Variants in SLC5A1 observed in about 807,000 individuals in gnomAD.
The protein encoded by SLC5A1 is sodium/glucose cotransporter 1.
Under a neutral mutation model 73.5 loss-of-function variants are expected in SLC5A1, and 42 were observed. The observed-to-expected ratio is 0.57, with a 90% CI of 0.45 to 0.74. The LOEUF (loss-of-function observed/expected upper bound fraction) is 0.74, where lower values mean the gene tolerates loss of function less well. SLC5A1 is among the 30% of genes least tolerant of loss of function. The probability of loss-of-function intolerance (pLI) is 0.00; values close to 1 mark genes in which losing one functional copy is unlikely to be tolerated. For synonymous variants in SLC5A1, 300 were observed against 317.4 expected (o/e 0.95, Z 0.58); for missense variants, 634 against 855.4 (o/e 0.74, Z 3.23).
intron 12 of SLC5A1, among the ~76,000 whole-genome samples, chr22:32,101,670 A>AC (rs1257686749): frequency 6.6e-6 from 1 of 152,118 alleles, no homozygotes; most frequent in South Asian, 2.1e-4. Context: ...GCAGGTGGAG[A>AC]GGCTCAAATT....
At chr22:32,082,927 G>T in intron 6 of SLC5A1, 147 bp from the exon 7 acceptor site, 1 of 720,012 alleles carries the variant, frequency 1.4e-6, no homozygotes, top group South Asian at 1.5e-5. Flanking sequence ...AACAGGACAA[G>T]GGAGGGAAGG....
At chr22:32,053,006 G>A (rs896069974) in intron 2 of SLC5A1, among the ~76,000 whole-genome samples, 1 of 152,164 alleles carries the variant, frequency 6.6e-6, no homozygotes, top group Non-Finnish European at 1.5e-5. Context: ...TATGCATAGA[G>A]AAAAATTGTT....
At chr22:32,068,073 G>A (rs2093976990) in intron 4 of SLC5A1, 47 bp downstream of exon 4, 1 of 1,574,188 alleles carries the variant, frequency 6.4e-7, no homozygotes, top group African/African-American at 1.3e-5. Flanking sequence ...AAATGTATCT[G>A]TCAGCTTGGT....
At chr22:32,068,156 T>A in intron 4 of SLC5A1, 130 bp downstream of exon 4, 6 of 920,860 alleles carry the variant, frequency 6.5e-6, no homozygotes, top group Admixed American at 1.7e-5. Context: ...CACTCCCAGG[T>A]TATGAAATTC....
At chr22:32,094,007 G>T (rs1486523737) in intron 11 of SLC5A1, among the ~76,000 whole-genome samples, 1 of 370 alleles carries the variant, frequency 2.7e-3, no homozygotes, top group Non-Finnish European at 5.6e-3. Flanking sequence ...ATTACATTAA[G>T]GTATGCTTTT....
At chr22:32,068,330 A>G (rs2093977484) in intron 4 of SLC5A1, among the ~76,000 whole-genome samples, 166 bp from the exon 5 acceptor site, 1 of 152,170 alleles carries the variant, frequency 6.6e-6, no homozygotes, top group African/African-American at 2.4e-5. Flanking sequence ...AAATGGCTGG[A>G]GGTCAGGGGC....
chr22:32,076,236 C>T (rs900219006), intron 5 of SLC5A1, among the ~76,000 whole-genome samples: 1 of 152,200 alleles, frequency 6.6e-6, no homozygotes, highest in African/African-American at 2.4e-5. Flanking sequence ...TGATGTGGAG[C>T]GTTGGCTATG....
chr22:32,062,624 A>G (rs908948670), intron 2 of SLC5A1, among the ~76,000 whole-genome samples: 4 of 152,206 alleles, frequency 2.6e-5, no homozygotes, highest in African/African-American at 9.6e-5. Context: ...CTGAATTCAC[A>G]GGAACATGGG....
Position 32,084,553 on chromosome 22 carries a change from C to G in SLC5A1, c.779C>G (p.Ala260Gly), listed in dbSNP as rs375909500. 3 of 1,614,138 alleles carry G rather than the reference C, an allele frequency of 1.9e-6. No homozygotes were observed. The highest frequency in any genetic ancestry group is 2.5e-6 in the Non-Finnish European group (3 of 1,180,056). ...CAGGAAAAATGCTACACTCCAAGGG[C>G]CGACTCCTTCCACATCTTCCGAGAT... is the stretch of plus-strand genomic sequence containing the variant. ...TFQEKCYTPR[A>G]DSFHIFRDPL... The change falls in exon 8 of 15, where the codon GCC becomes GGC. Residue 260 changes from alanine (A) to glycine (G), a missense_variant. Coordinates refer to ENST00000266088, the MANE Select transcript of SLC5A1 (RefSeq NM_000343.4).
chr22:32,095,037 G>C (rs1203381625), intron 11 of SLC5A1, among the ~76,000 whole-genome samples: 1 of 152,004 alleles, frequency 6.6e-6, no homozygotes, highest in East Asian at 1.9e-4. Flanking sequence ...TTGATAGGTT[G>C]TGTCACTATT....
chr22:32,062,982 C>T (rs1046463361), intron 2 of SLC5A1, among the ~76,000 whole-genome samples: 1 of 152,158 alleles, frequency 6.6e-6, no homozygotes, highest in Non-Finnish European at 1.5e-5. Flanking sequence ...CCGGGGAGGC[C>T]TCTCTTCCTG....
chr22:32,082,004 C>G (rs746057983), intron 6 of SLC5A1, 33 bp downstream of exon 6: 1 of 1,375,602 alleles, frequency 7.3e-7, no homozygotes, highest in Non-Finnish European at 1.0e-6. Flanking sequence ...GCACCTCAAA[C>G]CCAGCTCGGG....
intron 1 of SLC5A1, among the ~76,000 whole-genome samples, chr22:32,046,537 C>T (rs1471737989): frequency 1.3e-5 from 2 of 152,186 alleles, no homozygotes; most frequent in Non-Finnish European, 2.9e-5. Flanking sequence ...TGGCTCTGGG[C>T]TCAGACGCGA....
intron 2 of SLC5A1, among the ~76,000 whole-genome samples, chr22:32,054,311 T>C (rs997634077): frequency 2.2e-4 from 33 of 152,254 alleles, no homozygotes; most frequent in African/African-American, 2.9e-4. Flanking sequence ...CCAGATGCCA[T>C]GTAGGTGCTG....
At chr22:32,104,211 T>C (rs2094041111) in intron 13 of SLC5A1, among the ~76,000 whole-genome samples, 3 of 152,216 alleles carry the variant, frequency 2.0e-5, no homozygotes, top group Non-Finnish European at 2.9e-5. Context: ...TATCAACTGC[T>C]TCCTCATGTC....
At chr22:32,091,334 CACACA>C (rs2094017147) in intron 10 of SLC5A1, among the ~76,000 whole-genome samples, 2 of 151,412 alleles carry the variant, frequency 1.3e-5, no homozygotes, top group Non-Finnish European at 2.9e-5. Context: ...CACACACACA[CACACA>C]CACCCCACCA....
intron 1 of SLC5A1, among the ~76,000 whole-genome samples, chr22:32,049,162 AATCTATATCTATATCTATATCTAT>A (rs35964250): frequency 0.089 from 11,410 of 128,898 alleles, 628 homozygotes; most frequent in African/African-American, 0.14. Context: ...TATTATATAT[AATCTATATCTATATCTATATCTAT>A]ATCTATATCT....
intron 5 of SLC5A1, among the ~76,000 whole-genome samples, chr22:32,068,978 C>T (rs1208693793): frequency 6.6e-6 from 1 of 152,096 alleles, no homozygotes; most frequent in Non-Finnish European, 1.5e-5. Flanking sequence ...TTCATTGTAG[C>T]ACTATTCACA....
At chr22:32,058,976 A>G (rs1234130515) in intron 2 of SLC5A1, among the ~76,000 whole-genome samples, 2 of 152,160 alleles carry the variant, frequency 1.3e-5, no homozygotes, top group Non-Finnish European at 2.9e-5. Context: ...TTTGGTTGCT[A>G]TGGTTTCTGT....
Sources: allele counts gnomAD v4.1 joint callset (sites outside exome capture counted in the v4.1 genomes callset), GRCh38; gene constraint gnomAD v4.1.1; transcripts MANE v1.5; gene names NCBI Gene and HGNC (gene_info 2026-07-23, HGNC 2026-07-21).